KHDC1: variants seen among roughly 807,000 people sequenced by gnomAD.
KHDC1 encodes KH domain containing 1, also known as KH homology domain-containing protein 1.
KHDC1 carries 21 observed loss-of-function variants against 24.7 expected under a neutral mutation model. The observed-to-expected ratio is 0.85, with a 90% CI of 0.60 to 1.23. KHDC1 has a LOEUF of 1.23. Among genes scored for constraint, KHDC1 ranks in the 50% most tolerant of loss-of-function variants. The pLI, the probability that KHDC1 is intolerant of heterozygous loss-of-function variation, is 0.00. For missense variants in KHDC1, 274 were observed against 298.5 expected (o/e 0.92, Z 0.61); for synonymous variants, 98 against 111.7 (o/e 0.88, Z 0.77).
At chr6:73,293,276 G>A in intron 1 of KHDC1, 1 of 627,484 alleles carries the variant, frequency 1.6e-6, no homozygotes, top group South Asian at 1.5e-5. Context: ...GGCTTCTACT[G>A]AAGAAACATA....
At chr6:73,284,905 C>G (rs868757185) in intron 2 of KHDC1, among the ~76,000 whole-genome samples, 1 of 152,036 alleles carries the variant, frequency 6.6e-6, no homozygotes, top group Non-Finnish European at 1.5e-5. Flanking sequence ...AATGCAGTGG[C>G]GCAATCTCGG....
intron 2 of KHDC1, among the ~76,000 whole-genome samples, chr6:73,282,380 A>T (rs1037188475): frequency 6.6e-6 from 1 of 152,076 alleles, no homozygotes; most frequent in Non-Finnish European, 1.5e-5. Flanking sequence ...AGTGAAAGAG[A>T]GCTGATCTAA....
At chr6:73,248,715 G>A (rs1389044281) in intron 2 of KHDC1, among the ~76,000 whole-genome samples, 3 of 152,048 alleles carry the variant, frequency 2.0e-5, no homozygotes, top group East Asian at 1.9e-4. Context: ...TGATTCTTTC[G>A]AATGAACAAA....
intron 2 of KHDC1, among the ~76,000 whole-genome samples, chr6:73,264,729 G>A (rs922162607): frequency 1.3e-5 from 2 of 152,198 alleles, no homozygotes; most frequent in African/African-American, 4.8e-5. Flanking sequence ...AGTGGAACCA[G>A]GACCAGCCAG....
intron 2 of KHDC1, 132 bp from the exon 2 acceptor site, chr6:73,242,662 C>T (rs1766596273): frequency 9.9e-7 from 1 of 1,011,562 alleles, no homozygotes; most frequent in African/African-American, 1.6e-5. Context: ...GGTGGGTGTA[C>T]AATCCCGGTA....
At chr6:73,277,124 G>A (rs1767312905) in intron 2 of KHDC1, among the ~76,000 whole-genome samples, 1 of 152,090 alleles carries the variant, frequency 6.6e-6, no homozygotes, top group Non-Finnish European at 1.5e-5. Context: ...AAGTTTTCAT[G>A]TGTTGAAACA....
chr6:73,289,968 C>T (rs891706310), intron 2 of KHDC1, among the ~76,000 whole-genome samples: 2 of 108,392 alleles, frequency 1.8e-5, no homozygotes, highest in Admixed American at 8.5e-5. Flanking sequence ...GGCGCGGTGG[C>T]GGGCGCCTGT....
intron 2 of KHDC1, chr6:73,275,214 G>A (rs1767262798): frequency 6.6e-6 from 1 of 152,372 alleles, no homozygotes; most frequent in African/African-American, 2.4e-5. Context: ...GCTGGGCATG[G>A]TGGCGCATAC....
chr6:73,290,514 C>A, intron 2 of KHDC1: 1 of 373,980 alleles, frequency 2.7e-6, no homozygotes. Flanking sequence ...ATATCATAAT[C>A]TTTTTTTTTT....
intron 2 of KHDC1, among the ~76,000 whole-genome samples, chr6:73,267,840 CT>C (rs34782009): frequency 1.4e-4 from 21 of 148,160 alleles, no homozygotes; most frequent in Middle Eastern, 3.5e-3. Flanking sequence ...ATTATTCAGC[CT>C]TTTTTTTTTT....
chr6:73,286,873 ACT>A (rs1354072147), intron 2 of KHDC1, among the ~76,000 whole-genome samples: 19 of 91,966 alleles, frequency 2.1e-4, no homozygotes, highest in African/African-American at 6.6e-4. Flanking sequence ...ACAGAGTGAG[ACT>A]CTGTCTCAAA....
At chr6:73,245,085 A>G (rs570220503) in intron 2 of KHDC1, among the ~76,000 whole-genome samples, 1 of 152,318 alleles carries the variant, frequency 6.6e-6, no homozygotes, top group African/African-American at 2.4e-5. Flanking sequence ...GTTGGCCTCT[A>G]GGGGACAATG....
intron 2 of KHDC1, among the ~76,000 whole-genome samples, chr6:73,244,664 G>A (rs1766630886): frequency 6.8e-6 from 1 of 148,008 alleles, no homozygotes; most frequent in Non-Finnish European, 1.5e-5. Flanking sequence ...CACTTTGGGA[G>A]GCCAAGGCAG....
chr6:73,300,301 C>G (rs1242468008), intron 1 of KHDC1: 1 of 152,284 alleles, frequency 6.6e-6, no homozygotes, highest in Non-Finnish European at 1.5e-5. Context: ...ACTTTTCCTT[C>G]GTAGCTTTGT....
chr6:73,308,815 T>C (rs936081516), intron 1 of KHDC1, among the ~76,000 whole-genome samples: 11 of 151,958 alleles, frequency 7.2e-5, no homozygotes, highest in African/African-American at 2.4e-4. Flanking sequence ...CTGTTGTTTT[T>C]TGTTGGTTTG....
chr6:73,253,781 C>T (rs2150559382), intron 2 of KHDC1, among the ~76,000 whole-genome samples: 1 of 152,038 alleles, frequency 6.6e-6, no homozygotes, highest in South Asian at 2.1e-4. Context: ...GTGGTCCATG[C>T]CTGTAGTCCC....
chr6:73,278,719 C>G (rs949478181), intron 2 of KHDC1, among the ~76,000 whole-genome samples: 3 of 152,060 alleles, frequency 2.0e-5, no homozygotes, highest in Non-Finnish European at 2.9e-5. Context: ...TAATTTCTTA[C>G]TGTGCCTAAC....
In KHDC1 at chr6:73,294,017, A is replaced by AC. The variant is rs1259251569; in HGVS notation, c.164-1978_164-1977insG. On this transcript the variant is annotated intron_variant, in intron 1 of 4. Coordinates refer to ENST00000370384, the Ensembl canonical transcript of KHDC1. ...TGAGACTCCACCTCAAAAAAAAAAAAACAAAAAAAAACCACCAGCCATTTG... is the reference window on the plus strand; with the variant it reads ...TGAGACTCCACCTCAAAAAAAAAAAACACAAAAAAAAACCACCAGCCATTTG... Among the ~76,000 whole-genome samples, 783 of 150,430 alleles carry AC rather than the reference A, an allele frequency of 5.2e-3. 18 individuals are homozygous for AC. Among genetic ancestry groups the AC allele is most frequent in the Non-Finnish European group, 8.1e-3 (545 of 67,382 alleles).
At chr6:73,309,025 A>T (rs1373004307) in intron 1 of KHDC1, among the ~76,000 whole-genome samples, 2 of 152,090 alleles carry the variant, frequency 1.3e-5, no homozygotes, top group African/African-American at 4.8e-5. Flanking sequence ...GGGTTTCACC[A>T]TGTTGGCCAG....
Sources: allele counts gnomAD v4.1 joint callset (sites outside exome capture counted in the v4.1 genomes callset), GRCh38; gene constraint gnomAD v4.1.1; transcripts MANE v1.5; gene names NCBI Gene and HGNC (gene_info 2026-07-23, HGNC 2026-07-21).